Variants in CNTNAP2 observed in about 807,000 individuals in gnomAD.
The protein encoded by CNTNAP2 is contactin-associated protein-like 2.
CNTNAP2 carries 98 observed loss-of-function variants against 155.2 expected under a neutral mutation model. The observed-to-expected ratio is 0.63, with a 90% CI of 0.54 to 0.75. The LOEUF is 0.75. Among genes scored for constraint, CNTNAP2 ranks in the 30% least tolerant of loss-of-function variants. CNTNAP2 has a pLI of 0.00. For synonymous variants in CNTNAP2, 651 were observed against 631.2 expected (o/e 1.03, Z -0.47); for missense variants, 1,727 against 1,688.1 (o/e 1.02, Z -0.40).
intron 10 of CNTNAP2, among the ~76,000 whole-genome samples, chr7:147,412,622 T>G (rs1797123948): frequency 6.6e-6 from 1 of 152,144 alleles, no homozygotes; most frequent in African/African-American, 2.4e-5. Flanking sequence ...ATGTTCTAAA[T>G]ACATTTTTTA....
intron 18 of CNTNAP2, among the ~76,000 whole-genome samples, chr7:148,187,187 C>T (rs1472226175): frequency 1.3e-5 from 2 of 151,704 alleles, no homozygotes; most frequent in Admixed American, 6.6e-5. Flanking sequence ...CGGTTTCTAA[C>T]AATAAGTCTT....
At chr7:147,923,653 A>G (rs1386482618) in intron 14 of CNTNAP2, among the ~76,000 whole-genome samples, 2 of 150,766 alleles carry the variant, frequency 1.3e-5, no homozygotes, top group Non-Finnish European at 2.9e-5. Context: ...AGCTAGGATT[A>G]TAGGCATGCA....
At chr7:147,155,884 C>T (rs1801915806) in intron 8 of CNTNAP2, among the ~76,000 whole-genome samples, 1 of 152,066 alleles carries the variant, frequency 6.6e-6, no homozygotes, top group South Asian at 2.1e-4. Context: ...TAGATCAGAC[C>T]TCTGAGTACA....
At chr7:146,894,191 C>T (rs944079593) in intron 3 of CNTNAP2, among the ~76,000 whole-genome samples, 4 of 152,026 alleles carry the variant, frequency 2.6e-5, no homozygotes, top group East Asian at 3.9e-4. Context: ...CTGGAAAGGG[C>T]GTAAAGGAAA....
At chr7:147,660,353 G>T (rs1180044105) in intron 13 of CNTNAP2, among the ~76,000 whole-genome samples, 1 of 152,042 alleles carries the variant, frequency 6.6e-6, no homozygotes, top group Admixed American at 6.5e-5. Context: ...AAAAGATTTT[G>T]GCACTCTGAT....
intron 12 of CNTNAP2, among the ~76,000 whole-genome samples, chr7:147,626,300 T>C (rs796368074): frequency 1.3e-5 from 2 of 152,034 alleles, no homozygotes; most frequent in African/African-American, 2.4e-5. Context: ...CAAGGTCTTA[T>C]TGGGGCACTG....
intron 1 of CNTNAP2, among the ~76,000 whole-genome samples, chr7:146,476,976 A>AT (rs1181628349): frequency 9.9e-5 from 15 of 152,112 alleles, no homozygotes; most frequent in Admixed American, 5.9e-4. Flanking sequence ...AAGTTTTCTT[A>AT]TTTTTTTTAA....
intron 1 of CNTNAP2, among the ~76,000 whole-genome samples, chr7:146,423,187 T>C (rs554482822): frequency 2.0e-5 from 3 of 152,278 alleles, no homozygotes; most frequent in African/African-American, 7.2e-5. Context: ...TCTTTATTTG[T>C]TCTCTCTTGG....
rs189284585 is a variant in CNTNAP2, at chr7:146,397,801, G to A, written c.97+280828G>A. Among the ~76,000 whole-genome samples, 4 of 152,050 alleles carry A rather than the reference G, an allele frequency of 2.6e-5. No homozygotes were observed. The East Asian group carries it at 5.8e-4, about 22-fold the overall frequency. On this transcript the variant is annotated intron_variant, in intron 1 of 23. Coordinates refer to ENST00000361727, the MANE Select transcript of CNTNAP2 (RefSeq NM_014141.6). ...AGAGAAAGAACAAAATTTGAGGGCA[G>A]ATTGGAATAGTTAAGATATTTTATG... is the stretch of plus-strand genomic sequence containing the variant.
intron 11 of CNTNAP2, among the ~76,000 whole-genome samples, chr7:147,534,742 T>C (rs1799509756): frequency 6.6e-6 from 1 of 152,214 alleles, no homozygotes; most frequent in Admixed American, 6.5e-5. Flanking sequence ...TAATTTCCTT[T>C]GATTCTCACA....
chr7:147,398,612 T>A (rs1796861430), intron 10 of CNTNAP2, among the ~76,000 whole-genome samples: 1 of 134,922 alleles, frequency 7.4e-6, no homozygotes, highest in East Asian at 2.2e-4. Flanking sequence ...TTTTTTTGCT[T>A]TGTGTGTAGA....
At chr7:147,919,390 C>T (rs1198103890) in intron 14 of CNTNAP2, among the ~76,000 whole-genome samples, 6 of 151,402 alleles carry the variant, frequency 4.0e-5, no homozygotes, top group Non-Finnish European at 8.8e-5. Flanking sequence ...TCAGATGATC[C>T]TCCCACGTCA....
chr7:148,410,544 G>A (rs1799812201), intron 23 of CNTNAP2, among the ~76,000 whole-genome samples: 1 of 135,594 alleles, frequency 7.4e-6, no homozygotes, highest in Non-Finnish European at 1.5e-5. Context: ...TCCAGTCTAG[G>A]TGACAGATTG....
intron 1 of CNTNAP2, among the ~76,000 whole-genome samples, chr7:146,258,538 C>G (rs1160102778): frequency 6.6e-6 from 1 of 152,114 alleles, no homozygotes; most frequent in African/African-American, 2.4e-5. Flanking sequence ...GTTGGAGGTT[C>G]TCTTATTTAC....
intron 8 of CNTNAP2, among the ~76,000 whole-genome samples, chr7:147,179,607 C>CA (rs1037590615): frequency 6.6e-6 from 1 of 151,940 alleles, no homozygotes; most frequent in African/African-American, 2.4e-5. Flanking sequence ...TAAAATTCAC[C>CA]AAAAGGGTAG....
At position 148,172,346 on chromosome 7, in the gene CNTNAP2, A is replaced by T. The variant is rs1300627226; in HGVS notation, c.2878A>T (p.Ile960Leu). 6.2e-6 allele frequency: 10 copies of T among 1,614,072 alleles called. No homozygotes were observed. The highest frequency in any genetic ancestry group is 8.5e-6 in the Non-Finnish European group (10 of 1,180,052). The change falls in exon 18 of 24, where the codon ATA becomes TTA. Residue 960 changes from isoleucine (I) to leucine (L), a missense_variant. Physicochemically the swap from Ile to Leu is conservative, Grantham distance 5 (BLOSUM62 2). Transcript: ENST00000361727. Reference sequence around the variant, plus strand: ...AAGAGCAAAGGTCACATCTGGGTTCATATCCGGATGCTCGGGCCATTGCAC... The same window carrying T: ...AAGAGCAAAGGTCACATCTGGGTTCTTATCCGGATGCTCGGGCCATTGCAC... ...EERAKVTSGF[I>L]SGCSGHCTSY... is the part of the protein sequence containing the mutation.
chr7:147,396,004 A>G (rs1217935442), intron 10 of CNTNAP2, among the ~76,000 whole-genome samples: 5 of 149,022 alleles, frequency 3.4e-5, no homozygotes, highest in Non-Finnish European at 1.5e-5. Flanking sequence ...TATATCATAT[A>G]TAGCATATAT....
intron 4 of CNTNAP2, among the ~76,000 whole-genome samples, chr7:147,062,755 T>C (rs73467078): frequency 0.06 from 9,105 of 152,196 alleles, 700 homozygotes; most frequent in African/African-American, 0.18. Flanking sequence ...TAGAGTCATG[T>C]AGTAACTGTT....
At chr7:148,206,724 G>T (rs542325163) in intron 18 of CNTNAP2, among the ~76,000 whole-genome samples, 14 of 152,298 alleles carry the variant, frequency 9.2e-5, no homozygotes, top group Non-Finnish European at 1.2e-4. Context: ...TCCAGCCATG[G>T]TTTTTTCCAA....
Sources: allele counts gnomAD v4.1 joint callset (sites outside exome capture counted in the v4.1 genomes callset), GRCh38; gene constraint gnomAD v4.1.1; transcripts MANE v1.5; gene names NCBI Gene and HGNC (gene_info 2026-07-23, HGNC 2026-07-21).